NUP98: variants seen among roughly 807,000 people sequenced by gnomAD.
NUP98 encodes nucleoporin 98 and 96 precursor, also known as nuclear pore complex protein Nup98-Nup96.
NUP98 carries 26 observed loss-of-function variants against 191.9 expected under a neutral mutation model. The ratio of observed to expected loss-of-function variants is 0.14; its 90% CI spans 0.10 to 0.19. NUP98 has a LOEUF of 0.19. Ranked by LOEUF, NUP98 falls within the 10% of genes least tolerant of loss-of-function variation. The pLI, the probability that NUP98 is intolerant of heterozygous loss-of-function variation, is 1.00. For missense variants in NUP98, 1,941 were observed against 2,178.8 expected, an observed-to-expected ratio of 0.89 and a Z score of 2.17; for synonymous variants, 808 against 778.4, an observed-to-expected ratio of 1.04 and a Z score of -0.63.
At chr11:3,730,858 T>C (rs1257204360) in intron 14 of NUP98, among the ~76,000 whole-genome samples, 1 of 152,044 alleles carries the variant, frequency 6.6e-6, no homozygotes, top group Non-Finnish European at 1.5e-5. Context: ...ATCATGCATA[T>C]GTAAAATAAG....
chr11:3,782,201 G>T, intron 1 of NUP98, 56 bp from the exon 2 acceptor site: 2 of 950,496 alleles, frequency 2.1e-6, no homozygotes, highest in Non-Finnish European at 3.2e-6. Context: ...GAATATAATT[G>T]TTTTAGAAAA....
rs35916882 is a variant in NUP98 at position 3,782,570 on chromosome 11, A to ATTT, written c.-28-428_-28-426dup. Among the ~76,000 whole-genome samples the ATTT allele has an allele frequency of 3.3e-3, 383 of 117,404 alleles. 4 individuals are homozygous for ATTT. Among genetic ancestry groups the ATTT allele is most frequent in the Non-Finnish European group, 4.8e-3 (281 of 58,206 alleles). 77.0% of individuals were successfully genotyped at this position (117,404 alleles called of 152,430 possible). A position where few individuals can be genotyped will look rare whatever the true frequency, so the allele number is the denominator to read the frequency against. On this transcript the variant is annotated intron_variant, in intron 1 of 32. Transcript: ENST00000324932. The stretch of plus-strand genomic sequence containing the variant: ...TAACCCAACCACCTAAAAAGCTAAC[A>ATTT]TTTTTTTTTTTTTTTTTTTTTTGAG...
chr11:3,780,269 G>T (rs1372632397), intron 2 of NUP98, among the ~76,000 whole-genome samples: 1 of 149,756 alleles, frequency 6.7e-6, no homozygotes, highest in African/African-American at 2.5e-5. Context: ...ACAGGCTCAC[G>T]CCTGTAACCC....
chr11:3,714,950 G>A (rs969552220), intron 18 of NUP98: 2 of 152,146 alleles, frequency 1.3e-5, no homozygotes, highest in African/African-American at 2.4e-5. Context: ...GTGTTGCTAT[G>A]AACATGGGTA....
At position 3,725,235 on chromosome 11, in the gene NUP98, C is replaced by A. The variant is rs276901; in HGVS notation, c.1731-16G>T. The A allele has an allele frequency of 6.8e-5, 85 of 1,245,390 alleles. No homozygotes were observed. The South Asian group carries it at 7.6e-4, about 11-fold the overall frequency. The allele number at this position is 1,245,390 out of a possible 1,614,324, so 77.1% of individuals were successfully genotyped here. ...AATGCTCTTCCTATAAACAAGAAAC[C>A]AAAAGAAGAAGAAAAAAATTACTCA... On this transcript the variant is annotated splice_polypyrimidine_tract_variant and intron_variant, in intron 14 of 32. Transcript: ENST00000324932.
At chr11:3,720,975 A>AGAGTGTGTGT (rs142023494) in intron 16 of NUP98, 150 bp from the exon 17 acceptor site, 17 of 324,496 alleles carry the variant, frequency 5.2e-5, no homozygotes, top group African/African-American at 3.0e-4. Context: ...GGGGTGTGTG[A>AGAGTGTGTGT]GTGTGTGTGT....
intron 28 of NUP98, among the ~76,000 whole-genome samples, chr11:3,688,321 G>T (rs1295699072): frequency 1.3e-5 from 2 of 152,050 alleles, no homozygotes; most frequent in African/African-American, 2.4e-5. Flanking sequence ...CAGGAGAATG[G>T]TGTGAACCCA....
intron 22 of NUP98, among the ~76,000 whole-genome samples, chr11:3,703,813 T>C (rs1251520090): frequency 4.6e-5 from 7 of 152,178 alleles, no homozygotes. Context: ...TGAAGGACAG[T>C]TCTTTAAAAA....
At chr11:3,747,478 G>A (rs1300681175) in intron 11 of NUP98, among the ~76,000 whole-genome samples, 3 of 152,136 alleles carry the variant, frequency 2.0e-5, no homozygotes, top group East Asian at 3.8e-4. Flanking sequence ...TGCTAATGAT[G>A]TTAATATCAC....
At chr11:3,778,198 C>CAAAAAAAAAA (rs71302029) in intron 4 of NUP98, among the ~76,000 whole-genome samples, 5 of 60,530 alleles carry the variant, frequency 8.3e-5, no homozygotes, top group Admixed American at 2.0e-4. Flanking sequence ...GACTCCATCT[C>CAAAAAAAAAA]AAAAAAAAAA....
chr11:3,755,298 GAAA>G (rs34400646), intron 10 of NUP98, among the ~76,000 whole-genome samples: 2 of 136,710 alleles, frequency 1.5e-5, no homozygotes, highest in Non-Finnish European at 1.6e-5. Flanking sequence ...CTACTACCAC[GAAA>G]AAAAAAAAAA....
In NUP98 at chr11:3,702,765, G is replaced by A. The variant is rs763894655; in HGVS notation, c.3210C>T (p.Val1070=). The change falls in exon 23 of 33, where the codon GTC becomes GTT. Residue 1070 remains valine, a synonymous_variant. Transcript: ENST00000324932. ...TGAACACAGAAGTCAGGGGTGGAGG[G>A]ACAGACCAAGAGGATGTGGATGGGA... ...MNIPSTSSWS[V]PPPLTSVFTM... 7 of 1,614,056 alleles carry A rather than the reference G, an allele frequency of 4.3e-6. No homozygotes were observed. In the African/African-American group the frequency reaches 9.3e-5, roughly 22 times the overall value.
At chr11:3,759,207 T>C (rs2081080147) in intron 10 of NUP98, among the ~76,000 whole-genome samples, 1 of 152,204 alleles carries the variant, frequency 6.6e-6, no homozygotes, top group African/African-American at 2.4e-5. Context: ...AAGAAATACT[T>C]GAACCACTAT....
Position 3,773,618 on chromosome 11 carries a change from TG to T in NUP98, c.603+13del, listed in dbSNP as rs2081606139. 2 of 1,445,518 alleles carry T rather than the reference TG, an allele frequency of 1.4e-6. No homozygotes were observed. The highest frequency in any genetic ancestry group is 1.4e-5 in the African/African-American group (1 of 71,092). The allele number at this position is 1,445,518 out of a possible 1,614,324, so 89.5% of individuals were successfully genotyped here. The stretch of plus-strand genomic sequence containing the variant: ...AAAAGGTTAGACTGACATTCTGTAT[TG>T]TATTTTACTGACCTCTAGTGACTTG... On this transcript the variant is annotated intron_variant, in intron 6 of 32. Coordinates refer to ENST00000324932, the MANE Select transcript of NUP98 (RefSeq NM_016320.5).
At chr11:3,721,786 C>T (rs752154453) in intron 16 of NUP98, among the ~76,000 whole-genome samples, 5 of 151,886 alleles carry the variant, frequency 3.3e-5, no homozygotes, top group Non-Finnish European at 7.4e-5. Flanking sequence ...AAAAGCAGAG[C>T]GCTGAAAAAC....
chr11:3,693,386 C>CA lies in NUP98; in HGVS notation c.4168-12dup, dbSNP rs779691129. 4 of 1,613,740 alleles carry CA rather than the reference C, an allele frequency of 2.5e-6. No homozygotes were observed. The South Asian group carries it at 4.4e-5, about 18-fold the overall frequency. On this transcript the variant is annotated splice_polypyrimidine_tract_variant and intron_variant, in intron 26 of 32. Transcript: ENST00000324932. ...TGAGAGCTGCCACACCTGTGCGAAA[C>CA]AAAATCATCACCATGGCTATATTCT...
At chr11:3,701,448 G>C (rs893016921) in intron 23 of NUP98, among the ~76,000 whole-genome samples, 1 of 151,808 alleles carries the variant, frequency 6.6e-6, no homozygotes, top group Non-Finnish European at 1.5e-5. Context: ...TTTTAGTAGA[G>C]ACAGGGTTTT....
At chr11:3,771,953 T>C in intron 6 of NUP98, 25 bp from the exon 7 acceptor site, 1 of 1,594,692 alleles carries the variant, frequency 6.3e-7, no homozygotes, top group South Asian at 1.1e-5. Context: ...AACATATTTC[T>C]AATCTTAACA....
At chr11:3,774,270 G>A (rs1027989276) in intron 5 of NUP98, among the ~76,000 whole-genome samples, 1 of 152,034 alleles carries the variant, frequency 6.6e-6, no homozygotes, top group Admixed American at 6.6e-5. Flanking sequence ...AAATGAGCCA[G>A]GCGTGGTAGC....
Sources: allele counts gnomAD v4.1 joint callset (sites outside exome capture counted in the v4.1 genomes callset), GRCh38; gene constraint gnomAD v4.1.1; transcripts MANE v1.5; gene names NCBI Gene and HGNC (gene_info 2026-07-23, HGNC 2026-07-21).